The following CTNNBL1 variants were observed in gnomAD, a reference collection of about 807,000 sequenced individuals.
The protein encoded by CTNNBL1 is catenin beta like 1.
Under a neutral mutation model 72.7 loss-of-function variants are expected in CTNNBL1, and 31 were observed. The ratio of observed to expected loss-of-function variants is 0.43; its 90% confidence interval spans 0.32 to 0.58. CTNNBL1 has a LOEUF of 0.58. Ranked by LOEUF, CTNNBL1 falls within the 20% of genes least tolerant of loss-of-function variation. CTNNBL1 has a pLI of 0.08. For missense variants in CTNNBL1, 534 were observed against 725.1 expected (o/e 0.74, Z 3.03); for synonymous variants, 240 against 267.3 (o/e 0.90, Z 1.00).
chr20:37,801,929 A>G (rs937571713), intron 10 of CTNNBL1, among the ~76,000 whole-genome samples: 10 of 152,254 alleles, frequency 6.6e-5, no homozygotes, highest in African/African-American at 2.4e-4. Context: ...TGCAGATAAC[A>G]TAGTTTATAT....
intron 7 of CTNNBL1, 119 bp from the exon 8 acceptor site, chr20:37,777,226 T>G (rs1468265998): frequency 2.6e-6 from 2 of 779,852 alleles, no homozygotes; most frequent in Non-Finnish European, 4.4e-6. Flanking sequence ...CTTAACTGCC[T>G]TTTCCTTTTC....
intron 1 of CTNNBL1, among the ~76,000 whole-genome samples, chr20:37,718,664 G>A (rs907907661): frequency 6.6e-6 from 1 of 152,242 alleles, no homozygotes; most frequent in Non-Finnish European, 1.5e-5. Context: ...CATGAGGGAG[G>A]AATTTCTTAC....
intron 1 of CTNNBL1, among the ~76,000 whole-genome samples, chr20:37,708,573 T>G (rs1008844081): frequency 3.9e-5 from 6 of 152,218 alleles, no homozygotes; most frequent in African/African-American, 1.4e-4. Context: ...AGTTCAGAAC[T>G]AGTTTCTTTT....
At chr20:37,694,420 A>G (rs900380113) in intron 1 of CTNNBL1, among the ~76,000 whole-genome samples, 3 of 151,678 alleles carry the variant, frequency 2.0e-5, no homozygotes, top group Non-Finnish European at 4.4e-5. Context: ...ACCCCAGACT[A>G]TCCTTTTTTT....
At chr20:37,861,024 C>G (rs2072487169) in intron 15 of CTNNBL1, among the ~76,000 whole-genome samples, 2 of 152,222 alleles carry the variant, frequency 1.3e-5, no homozygotes, top group Non-Finnish European at 2.9e-5. Flanking sequence ...CGTCGGGATG[C>G]AGGGGACTAC....
chr20:37,810,551 A>C (rs990500146), intron 11 of CTNNBL1, among the ~76,000 whole-genome samples: 1 of 152,168 alleles, frequency 6.6e-6, no homozygotes, highest in Non-Finnish European at 1.5e-5. Flanking sequence ...GTGGGTTGAT[A>C]AATGTTGGTT....
At chr20:37,727,458 G>A in intron 1 of CTNNBL1, 1 of 506,288 alleles carries the variant, frequency 2.0e-6, no homozygotes, top group Non-Finnish European at 2.6e-6. Context: ...TGGATGGTGG[G>A]AAATGCTTAG....
At chr20:37,854,286 A>G (rs780463837) in intron 13 of CTNNBL1, among the ~76,000 whole-genome samples, 1 of 152,126 alleles carries the variant, frequency 6.6e-6, no homozygotes, top group Non-Finnish European at 1.5e-5. Context: ...GAAAATGGAA[A>G]AAATCACCAG....
chr20:37,777,308 C>G lies in CTNNBL1; in HGVS notation c.751-37C>G, dbSNP rs538723982. On this transcript the variant is annotated intron_variant, in intron 7 of 15. Coordinates refer to ENST00000361383, the MANE Select transcript of CTNNBL1 (RefSeq NM_030877.5). The stretch of plus-strand genomic sequence containing the variant: ...TTGTCCTGGGGAAGGAAGCAAGACC[C>G]CTTAACATTTTTCTCATTTCTCCTA... 5.9e-6 allele frequency: 9 copies of G among 1,533,198 alleles called. No homozygotes were observed. In the South Asian group the frequency reaches 9.0e-5, roughly 15 times the overall value. The allele number at this position is 1,533,198 out of a possible 1,614,324, so 95.0% of individuals were successfully genotyped here.
At chr20:37,797,273 T>G (rs576901842) in intron 10 of CTNNBL1, among the ~76,000 whole-genome samples, 2 of 152,036 alleles carry the variant, frequency 1.3e-5, no homozygotes, top group African/African-American at 4.8e-5. Context: ...GCAAAGAAAA[T>G]ATGATCTCAT....
At chr20:37,748,714 G>A (rs1336934733) in intron 4 of CTNNBL1, among the ~76,000 whole-genome samples, 2 of 152,192 alleles carry the variant, frequency 1.3e-5, no homozygotes, top group Non-Finnish European at 2.9e-5. Flanking sequence ...GTGAGGGTCT[G>A]CTTCCAGGTT....
chr20:37,736,693 T>C (rs929791820), intron 2 of CTNNBL1, among the ~76,000 whole-genome samples: 5 of 151,894 alleles, frequency 3.3e-5, no homozygotes, highest in Non-Finnish European at 5.9e-5. Flanking sequence ...GGCATGTGCC[T>C]GTATTTTTAG....
intron 13 of CTNNBL1, chr20:37,847,989 G>A (rs1324400134): frequency 6.6e-6 from 1 of 152,630 alleles, no homozygotes; most frequent in East Asian, 1.9e-4. Flanking sequence ...AGGAGTGAAT[G>A]TGGGGGGTAC....
chr20:37,747,043 CAGG>C (rs1286445825), intron 4 of CTNNBL1, among the ~76,000 whole-genome samples: 1 of 152,140 alleles, frequency 6.6e-6, no homozygotes, highest in Non-Finnish European at 1.5e-5. Flanking sequence ...TTTGGATGTC[CAGG>C]AGGACAGGGA....
chr20:37,842,376 G>T lies in CTNNBL1; in HGVS notation c.1349G>T (p.Gly450Val). Residue 450 changes from glycine to valine, a missense_variant, in exon 13 of 16, where the codon GGT becomes GTT. By Grantham distance (109) the Gly-to-Val change is moderately radical. Coordinates refer to ENST00000361383, the MANE Select transcript of CTNNBL1 (RefSeq NM_030877.5). ...RLMELHFKYLGAMQVADKKIE... is the reference protein window; with the variant it reads ...RLMELHFKYLVAMQVADKKIE... ...ATGGAGTTGCATTTTAAATATCTGGGTGCAATGCAGGTGGCGGACAAGAAG... is the reference window on the plus strand; with the variant it reads ...ATGGAGTTGCATTTTAAATATCTGGTTGCAATGCAGGTGGCGGACAAGAAG... 1 of 1,613,906 alleles carries T rather than the reference G, an allele frequency of 6.2e-7. No homozygotes were observed. The highest frequency in any genetic ancestry group is 8.5e-7 in the Non-Finnish European group (1 of 1,179,814).
At chr20:37,802,327 A>G (rs765187033) in intron 10 of CTNNBL1, among the ~76,000 whole-genome samples, 5 of 152,250 alleles carry the variant, frequency 3.3e-5, no homozygotes, top group Non-Finnish European at 7.3e-5. Context: ...AACATAGATC[A>G]GTGGTTGCTT....
intron 3 of CTNNBL1, among the ~76,000 whole-genome samples, chr20:37,743,146 ATTT>A (rs10656932): frequency 7.1e-6 from 1 of 140,160 alleles, no homozygotes; most frequent in Non-Finnish European, 1.6e-5. Context: ...ACTCAGCACA[ATTT>A]TTTTTTTTTT....
chr20:37,812,550 TCA>T (rs1050011803), intron 11 of CTNNBL1, among the ~76,000 whole-genome samples: 5 of 152,344 alleles, frequency 3.3e-5, no homozygotes, highest in Middle Eastern at 3.4e-3. Flanking sequence ...CTCTTCTGTT[TCA>T]GTTTGAAGCT....
At chr20:37,799,876 A>G (rs891474624) in intron 10 of CTNNBL1, among the ~76,000 whole-genome samples, 3 of 152,210 alleles carry the variant, frequency 2.0e-5, no homozygotes, top group African/African-American at 7.2e-5. Flanking sequence ...CTCTTTGCCC[A>G]GGATTGAGAA....
Sources: gnomAD v4.1 joint callset for allele counts (sites outside exome capture counted in the v4.1 genomes callset) on GRCh38, gnomAD v4.1.1 for gene constraint, MANE v1.5 for transcripts, NCBI Gene and HGNC (gene_info 2026-07-23, HGNC 2026-07-21) for gene names.